The following BABAM2 variants were observed in gnomAD, a reference collection of about 807,000 sequenced individuals.
BABAM2 encodes BRISC and BRCA1 A complex member 2.
In BABAM2, 31 loss-of-function variants were observed where a neutral mutation model predicts 54.7. The observed-to-expected ratio is 0.57, with a 90% CI of 0.43 to 0.77. The LOEUF is 0.77. Ranked by LOEUF, BABAM2 falls within the 30% of genes least tolerant of loss-of-function variation. The pLI is 0.00. For synonymous variants in BABAM2, 167 were observed against 162.9 expected (o/e 1.03, Z -0.19); for missense variants, 364 against 455.8 (o/e 0.80, Z 1.83).
chr2:28,112,113 C>CTT (rs1338005053), intron 6 of BABAM2, among the ~76,000 whole-genome samples: 1 of 10,808 alleles, frequency 9.3e-5, no homozygotes, highest in African/African-American at 4.2e-4. Context: ...TTCTTTCTTT[C>CTT]TTTCTTTCTT....
rs879108202 is a variant in BABAM2 at position 28,014,607 on chromosome 2, C to CT, written c.301-10606dup. ...TATTTGCATTTCTTTCTTTCTTTTTCTTTTTTTTTTTTTGCCACTCAACTT... is the reference window on the plus strand; with the variant it reads ...TATTTGCATTTCTTTCTTTCTTTTTCTTTTTTTTTTTTTTGCCACTCAACTT... On this transcript the variant is annotated intron_variant, in intron 4 of 11. Transcript: ENST00000379624. 5.3e-3 allele frequency among the ~76,000 whole-genome samples: 657 copies of CT among 123,984 alleles called. 1 individual carries two copies. Among genetic ancestry groups the CT allele is most frequent in the Non-Finnish European group, 7.3e-3 (414 of 56,988 alleles). The allele number at this position is 123,984 out of a possible 152,430, so 81.3% of individuals were successfully genotyped here. A position where few individuals can be genotyped will look rare whatever the true frequency, so the allele number is the denominator to read the frequency against.
At chr2:28,066,065 A>G (rs1488982848) in intron 6 of BABAM2, among the ~76,000 whole-genome samples, 1 of 151,316 alleles carries the variant, frequency 6.6e-6, no homozygotes, top group Non-Finnish European at 1.5e-5. Context: ...AGGCCGAGGT[A>G]GGAGAACCAC....
At chr2:28,013,270 A>G (rs1268266706) in intron 4 of BABAM2, 1 of 433,610 alleles carries the variant, frequency 2.3e-6, no homozygotes, top group Non-Finnish European at 4.6e-6. Flanking sequence ...CAAAATTGAG[A>G]TGATAAATTC....
intron 10 of BABAM2, among the ~76,000 whole-genome samples, chr2:28,246,825 C>G (rs530065573): frequency 1.3e-5 from 2 of 152,336 alleles, no homozygotes; most frequent in African/African-American, 4.8e-5. Flanking sequence ...TTGTCACTTG[C>G]AATGATGGTC....
intron 7 of BABAM2, among the ~76,000 whole-genome samples, chr2:28,146,459 C>T (rs540146378): frequency 1.3e-5 from 2 of 152,264 alleles, no homozygotes; most frequent in East Asian, 3.9e-4. Flanking sequence ...TACAAATTAT[C>T]AGCCTAAAAT....
chr2:28,221,795 C>G (rs959231407), intron 7 of BABAM2, among the ~76,000 whole-genome samples: 1 of 152,174 alleles, frequency 6.6e-6, no homozygotes, highest in Non-Finnish European at 1.5e-5. Context: ...AGAAGTCACT[C>G]AGAATATGCC....
chr2:27,959,161 T>C (rs1670292994), intron 3 of BABAM2, among the ~76,000 whole-genome samples: 1 of 152,372 alleles, frequency 6.6e-6, no homozygotes, highest in Admixed American at 6.5e-5. Flanking sequence ...TTGTTTTCTG[T>C]AGCATCCAGC....
intron 4 of BABAM2, among the ~76,000 whole-genome samples, chr2:28,008,858 G>A (rs1183949011): frequency 6.6e-6 from 1 of 152,124 alleles, no homozygotes; most frequent in Non-Finnish European, 1.5e-5. Flanking sequence ...CAAGAGTGAT[G>A]TTGGCTCTCC....
chr2:28,171,529 A>G (rs1558403557), intron 7 of BABAM2, among the ~76,000 whole-genome samples: 1 of 152,048 alleles, frequency 6.6e-6, no homozygotes, highest in Non-Finnish European at 1.5e-5. Flanking sequence ...GTCCTTTCCT[A>G]CTTTCCTGTC....
At chr2:27,899,996 A>C (rs1011722651) in intron 2 of BABAM2, among the ~76,000 whole-genome samples, 9 of 152,198 alleles carry the variant, frequency 5.9e-5, no homozygotes, top group African/African-American at 1.4e-4. Flanking sequence ...GTTCATTAAC[A>C]ATTCCTTCTT....
At chr2:28,316,396 A>ATGGGGG (rs1558525542) in intron 11 of BABAM2, among the ~76,000 whole-genome samples, 57 of 24,256 alleles carry the variant, frequency 2.3e-3, no homozygotes, top group African/African-American at 6.9e-3. Context: ...GGGAGTGGAA[A>ATGGGGG]TGGGGGTGGG....
intron 7 of BABAM2, among the ~76,000 whole-genome samples, chr2:28,142,680 A>G (rs373065448): frequency 1.3e-5 from 2 of 152,282 alleles, no homozygotes; most frequent in African/African-American, 4.8e-5. Context: ...TGGTGATAAC[A>G]CTTCCATGTT....
chr2:28,240,491 C>G (rs1226488920), intron 8 of BABAM2, among the ~76,000 whole-genome samples: 1 of 152,100 alleles, frequency 6.6e-6, no homozygotes, highest in Non-Finnish European at 1.5e-5. Flanking sequence ...TACACACACT[C>G]AAGGAGGCAC....
chr2:28,016,490 G>A (rs1184347686), intron 4 of BABAM2: 36 of 1,082,656 alleles, frequency 3.3e-5, no homozygotes, highest in Admixed American at 5.2e-5. Context: ...CATGGTGCTG[G>A]GCTGAGCACA....
chr2:28,175,078 C>T (rs1268547812), intron 7 of BABAM2, among the ~76,000 whole-genome samples: 6 of 152,138 alleles, frequency 3.9e-5, no homozygotes, highest in Non-Finnish European at 7.4e-5. Flanking sequence ...TCCCAACTAG[C>T]GGCAGAGCTG....
At chr2:28,104,110 A>T (rs1462709397) in intron 6 of BABAM2, among the ~76,000 whole-genome samples, 3 of 152,214 alleles carry the variant, frequency 2.0e-5, no homozygotes, top group Non-Finnish European at 4.4e-5. Context: ...CCTAGGCAAT[A>T]CCATTCAGGA....
intron 7 of BABAM2, among the ~76,000 whole-genome samples, chr2:28,159,372 A>G (rs559182574): frequency 7.2e-4 from 109 of 152,336 alleles, no homozygotes; most frequent in African/African-American, 2.6e-3. Flanking sequence ...CCCAGTGGAA[A>G]GAGCTGTGAG....
intron 6 of BABAM2, among the ~76,000 whole-genome samples, chr2:28,109,848 TTTTC>T (rs1202816731): frequency 2.6e-5 from 4 of 152,242 alleles, no homozygotes; most frequent in African/African-American, 4.8e-5. Context: ...GCTTATTCTC[TTTTC>T]TTTATTTTTT....
At chr2:28,065,080 G>A (rs1297764055) in intron 6 of BABAM2, among the ~76,000 whole-genome samples, 1 of 151,308 alleles carries the variant, frequency 6.6e-6, no homozygotes, top group Non-Finnish European at 1.5e-5. Context: ...CACACCATCA[G>A]AAGTTTCTTT....
Sources: allele counts gnomAD v4.1 joint callset (sites outside exome capture counted in the v4.1 genomes callset), GRCh38; gene constraint gnomAD v4.1.1; transcripts MANE v1.5; gene names NCBI Gene and HGNC (gene_info 2026-07-23, HGNC 2026-07-21).